RYR2: variants seen among roughly 807,000 people sequenced by gnomAD.
The protein encoded by RYR2 is ryanodine receptor 2, also known as cardiac muscle ryanodine receptor-calcium release channel.
Under a neutral mutation model 601.1 loss-of-function variants are expected in RYR2, and 227 were observed. The ratio of observed to expected loss-of-function variants is 0.38; its 90% confidence interval spans 0.34 to 0.42. The LOEUF (loss-of-function observed/expected upper bound fraction) is 0.42, where lower values mean the gene tolerates loss of function less well. RYR2 is among the 10% of genes least tolerant of loss of function. The pLI, the probability that RYR2 is intolerant of heterozygous loss-of-function variation, is 1.00. For synonymous variants in RYR2, 2,223 were observed against 2,175.1 expected (o/e 1.02, Z -0.61); for missense variants, 4,646 against 6,156.5 (o/e 0.75, Z 8.21).
At chr1:237,110,010 T>C (rs1015045673) in intron 1 of RYR2, among the ~76,000 whole-genome samples, 1 of 152,202 alleles carries the variant, frequency 6.6e-6, no homozygotes, top group African/African-American at 2.4e-5. Flanking sequence ...TGTGAAATTC[T>C]AATCCCCCGG....
intron 29 of RYR2, among the ~76,000 whole-genome samples, chr1:237,586,282 G>A (rs1559069316): frequency 1.3e-5 from 2 of 152,168 alleles, no homozygotes; most frequent in Middle Eastern, 3.4e-3. Context: ...GACTTTTAAT[G>A]GCTGCACGTA....
In RYR2 at chr1:237,687,560, T is replaced by C. The variant is rs1558221147; in HGVS notation, c.9067+56T>C. On this transcript the variant is annotated intron_variant, in intron 63 of 104. Transcript: ENST00000366574. ...GGCCATCACTTGGTTTTCTTTGCCA[T>C]TTTTGCACTGTGTTGTGTGCTGCTA... The C allele has an allele frequency of 9.1e-6, 12 of 1,324,974 alleles. No homozygotes were observed. In the East Asian group the frequency reaches 2.8e-4, roughly 31 times the overall value. The allele number at this position is 1,324,974 out of a possible 1,614,324, so 82.1% of individuals were successfully genotyped here.
At chr1:237,252,577 C>T (rs1012258194) in intron 1 of RYR2, among the ~76,000 whole-genome samples, 1 of 152,146 alleles carries the variant, frequency 6.6e-6, no homozygotes, top group African/African-American at 2.4e-5. Flanking sequence ...GTCTCATTCA[C>T]AGTCTTATGT....
chr1:237,788,909 ATATG>A (rs1184545644), intron 92 of RYR2, among the ~76,000 whole-genome samples: 2 of 151,952 alleles, frequency 1.3e-5, no homozygotes, highest in Non-Finnish European at 2.9e-5. Flanking sequence ...GTATACACAT[ATATG>A]TGTCTCCTAT....
At chr1:237,644,108 A>G (rs536988686) in intron 48 of RYR2, among the ~76,000 whole-genome samples, 18 of 152,202 alleles carry the variant, frequency 1.2e-4, no homozygotes, top group African/African-American at 4.3e-4. Flanking sequence ...TTCCTTAGTT[A>G]TGCATTTTGA....
intron 16 of RYR2, among the ~76,000 whole-genome samples, chr1:237,465,079 T>A (rs12091104): frequency 8.3e-6 from 1 of 120,084 alleles, no homozygotes; most frequent in Non-Finnish European, 1.7e-5. Context: ...TGCGCCTACA[T>A]ACACACACAT....
rs774851947 is a variant in RYR2 at position 237,784,432 on chromosome 1, G to C, written c.12720G>C (p.Thr4240=). The C allele has an allele frequency of 4.8e-5, 77 of 1,613,594 alleles. No individual in the cohort carries two copies. The highest frequency in any genetic ancestry group is 6.4e-5 in the Non-Finnish European group (75 of 1,179,804). The change falls in exon 90 of 105, where the codon ACG becomes ACC. Residue 4240 remains threonine, a synonymous_variant. Coordinates refer to ENST00000366574, the MANE Select transcript of RYR2 (RefSeq NM_001035.3). This position sits in a 1 kb window ranked among gnomAD's most constrained non-coding sequence, Gnocchi z 7.1. ...GGATGGCTTTCTTCTCCATTCTGACGGTCAGGTCGGCCCTGTTTGCGCTCA... is the reference window on the plus strand; with the variant it reads ...GGATGGCTTTCTTCTCCATTCTGACCGTCAGGTCGGCCCTGTTTGCGCTCA... ...GPRMAFFSIL[T]VRSALFALRY... is the part of the protein sequence containing the mutation.
intron 71 of RYR2, among the ~76,000 whole-genome samples, chr1:237,714,855 G>C (rs183270912): frequency 1.2e-4 from 18 of 151,812 alleles, no homozygotes; most frequent in East Asian, 9.7e-4. Flanking sequence ...TTAGCCAGGC[G>C]TGGTGGTGGG....
intron 44 of RYR2, among the ~76,000 whole-genome samples, chr1:237,637,572 G>C (rs1681004051): frequency 6.6e-6 from 1 of 152,154 alleles, no homozygotes; most frequent in Non-Finnish European, 1.5e-5. Flanking sequence ...TTGAACCAAG[G>C]ATGTTTGACT....
chr1:237,214,664 A>C lies in RYR2; in HGVS notation c.49-55833A>C, dbSNP rs187123390. On this transcript the variant is annotated intron_variant, in intron 1 of 104. Transcript: ENST00000366574. ...GAGCTTTGGAGGTAACAAATATCCT[A>C]ACTATATCATATATATTTCATATGC... 2.0e-5 allele frequency among the ~76,000 whole-genome samples: 3 copies of C among 152,326 alleles called. No homozygotes were observed. The East Asian group carries it at 5.8e-4, about 29-fold the overall frequency.
chr1:237,612,721 CGTT>C (rs1470646814), intron 36 of RYR2, among the ~76,000 whole-genome samples: 2 of 152,032 alleles, frequency 1.3e-5, no homozygotes, highest in Non-Finnish European at 2.9e-5. Context: ...TGAAGGAAAA[CGTT>C]GTGTCTCTAC....
chr1:237,125,122 A>G (rs1009695663), intron 1 of RYR2, among the ~76,000 whole-genome samples: 2 of 152,190 alleles, frequency 1.3e-5, no homozygotes, highest in African/African-American at 4.8e-5. Flanking sequence ...GTTGCCAGAA[A>G]GAGGGTAACA....
chr1:237,739,099 A>G (rs2149198671), intron 79 of RYR2, among the ~76,000 whole-genome samples: 1 of 152,358 alleles, frequency 6.6e-6, no homozygotes, highest in East Asian at 1.9e-4. Flanking sequence ...TTCTGAAACA[A>G]AAGAGCTGAT....
At chr1:237,557,191 C>G (rs919302093) in intron 27 of RYR2, among the ~76,000 whole-genome samples, 3 of 152,094 alleles carry the variant, frequency 2.0e-5, no homozygotes, top group Admixed American at 2.0e-4. Context: ...TAGAGATGCT[C>G]GAGTGCCTTC....
At chr1:237,392,249 A>C (rs1702446615) in intron 10 of RYR2, among the ~76,000 whole-genome samples, 1 of 152,132 alleles carries the variant, frequency 6.6e-6, no homozygotes, top group Non-Finnish European at 1.5e-5. Context: ...CTTTAAAAAT[A>C]GGCTTTTGCA....
At chr1:237,066,045 T>G (rs980355335) in intron 1 of RYR2, among the ~76,000 whole-genome samples, 14 of 152,268 alleles carry the variant, frequency 9.2e-5, no homozygotes, top group African/African-American at 3.1e-4. Flanking sequence ...CAATTTGACA[T>G]GAGATTTGGG....
intron 46 of RYR2, 123 bp from the exon 47 acceptor site, chr1:237,640,774 T>C: frequency 2.7e-6 from 2 of 752,036 alleles, no homozygotes; most frequent in South Asian, 1.6e-5. Flanking sequence ...TTATAACATA[T>C]ATGAAACATA....
intron 1 of RYR2, among the ~76,000 whole-genome samples, chr1:237,135,532 ATTT>A (rs71178396): frequency 0.15 from 20,147 of 136,002 alleles, 1,791 homozygotes; most frequent in African/African-American, 0.27. Context: ...ACCACACCTA[ATTT>A]TTTTTTTTTT....
chr1:237,631,585 G>GGAGTATATA (rs776281657), intron 42 of RYR2, 44 bp downstream of exon 42: 4 of 777,956 alleles, frequency 5.1e-6, no homozygotes, highest in Non-Finnish European at 8.2e-6. Flanking sequence ...ATCATCTCCT[G>GGAGTATATA]GAGTATATAG....
Sources: allele counts gnomAD v4.1 joint callset (sites outside exome capture counted in the v4.1 genomes callset), GRCh38; gene constraint gnomAD v4.1.1; non-coding constraint Gnocchi (gnomAD v3.1); transcripts MANE v1.5; gene names NCBI Gene and HGNC (gene_info 2026-07-23, HGNC 2026-07-21).